The following WNT9A variants were observed in gnomAD, a reference collection of about 807,000 sequenced individuals.
WNT9A encodes Wnt family member 9A.
WNT9A carries 8 observed loss-of-function variants against 31.4 expected under a neutral mutation model. The ratio of observed to expected loss-of-function variants is 0.26; its 90% confidence interval spans 0.15 to 0.46. The LOEUF (loss-of-function observed/expected upper bound fraction) is 0.46, where lower values mean the gene tolerates loss of function less well. Among genes scored for constraint, WNT9A ranks in the 20% least tolerant of loss-of-function variants. The pLI, the probability that WNT9A is intolerant of heterozygous loss-of-function variation, is 0.99. For synonymous variants in WNT9A, 236 were observed against 220.1 expected, an observed-to-expected ratio of 1.07 and a Z score of -0.64; for missense variants, 457 against 522.9, an observed-to-expected ratio of 0.87 and a Z score of 1.23.
chr1:227,946,929 G>A (rs1666803608), intron 1 of WNT9A, among the ~76,000 whole-genome samples: 1 of 152,212 alleles, frequency 6.6e-6, no homozygotes, highest in Non-Finnish European at 1.5e-5. Context: ...TCCCAGCGGC[G>A]GCGCTCGGGG....
At position 227,918,921 on chromosome 1, in the gene WNT9A, G is replaced by A. The variant is rs1359172085; in HGVS notation, c.*2597C>T. 1 of 152,056 alleles carries A rather than the reference G, an allele frequency of 6.6e-6. No homozygotes were observed. Among genetic ancestry groups the A allele is most frequent in the Non-Finnish European group, 1.5e-5 (1 of 68,018 alleles). The allele number at this position is 152,056 out of a possible 1,614,324, so 9.4% of individuals were successfully genotyped here. A position where few individuals can be genotyped will look rare whatever the true frequency, so the allele number is the denominator to read the frequency against. ...CTGGGATCCCCTGGCCAAGGAGCGG[G>A]CTGAACCCCTCCCAACAGCCCTTTC... On this transcript the variant is annotated 3_prime_UTR_variant, in exon 4 of 4. Transcript: ENST00000272164.
At chr1:227,924,429 C>G in intron 2 of WNT9A, 29 bp from the exon 3 acceptor site, 1 of 1,593,192 alleles carries the variant, frequency 6.3e-7, no homozygotes, top group Non-Finnish European at 8.6e-7. Context: ...GATCAGTGAG[C>G]CCAGGCTGCC....
chr1:227,947,612 T>C (rs1269375089), intron 1 of WNT9A, among the ~76,000 whole-genome samples, 181 bp downstream of exon 1: 1 of 151,710 alleles, frequency 6.6e-6, no homozygotes, highest in African/African-American at 2.4e-5. Flanking sequence ...CCCGCCTCTC[T>C]AGCCGTGCCG....
intron 3 of WNT9A, among the ~76,000 whole-genome samples, chr1:227,923,386 G>A (rs1342477545): frequency 6.6e-6 from 1 of 152,124 alleles, no homozygotes; most frequent in East Asian, 1.9e-4. Context: ...GAGATGCTGG[G>A]GGCTCTGTGC....
At chr1:227,927,858 T>G (rs1666445230) in intron 1 of WNT9A, among the ~76,000 whole-genome samples, 1 of 141,856 alleles carries the variant, frequency 7.0e-6, no homozygotes, top group Admixed American at 7.0e-5. Context: ...AACCCAACTG[T>G]GGGTGTGGAC....
At position 227,942,108 on chromosome 1, in the gene WNT9A, C is replaced by G. The variant is rs1666718494; in HGVS notation, c.95+5685G>C. Among the ~76,000 whole-genome samples the G allele has an allele frequency of 6.6e-6, 1 of 152,148 alleles. No individual in the cohort carries two copies. Among genetic ancestry groups the G allele is most frequent in the Non-Finnish European group, 1.5e-5 (1 of 67,988 alleles). ...GCCACCCCAGCAGCCGGCGGAAGGTCCCAGGCCAGGGCAGGCACTGGGGCC... is the reference window on the plus strand; with the variant it reads ...GCCACCCCAGCAGCCGGCGGAAGGTGCCAGGCCAGGGCAGGCACTGGGGCC... On this transcript the variant is annotated intron_variant, in intron 1 of 3. Transcript: ENST00000272164. The surrounding 1 kb of genome is among the most constrained non-coding windows in gnomAD (Gnocchi z 5.7).
Position 227,925,626 on chromosome 1 carries a change from G to C in WNT9A, c.96-107C>G. On this transcript the variant is annotated intron_variant, in intron 1 of 3. Coordinates refer to ENST00000272164, the MANE Select transcript of WNT9A (RefSeq NM_003395.4). The surrounding 1 kb of genome is among the most constrained non-coding windows in gnomAD (Gnocchi z 6.0). ...AGGGGACAGGCGTGTCCATCCGGGGGTGAGGGGGCAGAAAGAATCCAGGAT... is the reference window on the plus strand; with the variant it reads ...AGGGGACAGGCGTGTCCATCCGGGGCTGAGGGGGCAGAAAGAATCCAGGAT... 2.1e-6 allele frequency: 3 copies of C among 1,410,900 alleles called. No homozygotes were observed. Among genetic ancestry groups the C allele is most frequent in the Non-Finnish European group, 2.8e-6 (3 of 1,082,320 alleles). 87.4% of individuals were successfully genotyped at this position (1,410,900 alleles called of 1,614,324 possible).
At chr1:227,937,200 A>G (rs971998108) in intron 1 of WNT9A, among the ~76,000 whole-genome samples, 1 of 152,200 alleles carries the variant, frequency 6.6e-6, no homozygotes, top group African/African-American at 2.4e-5. Flanking sequence ...CCTTGCAGCC[A>G]TCCCCAAGTG....
At chr1:227,945,440 CG>C (rs1666779448) in intron 1 of WNT9A, among the ~76,000 whole-genome samples, 1 of 152,162 alleles carries the variant, frequency 6.6e-6, no homozygotes, top group African/African-American at 2.4e-5. Context: ...AGGAGGGCAG[CG>C]GGCGCCAGCC....
chr1:227,939,199 G>C (rs530611299), intron 1 of WNT9A, among the ~76,000 whole-genome samples: 3 of 152,334 alleles, frequency 2.0e-5, no homozygotes, highest in Non-Finnish European at 4.4e-5. Flanking sequence ...CTGCAGATGG[G>C]GCCGCAGACA....
rs1023882655 is a variant in WNT9A, at chr1:227,921,992, C to G, written c.624G>C (p.Lys208Asn). ...ACTTGCAGGTGGTCTCCACCCCAGC[C>G]TTGATCACCTGGCAGAAGGGTGCGG... ...HNNLVGVKVIKAGVETTCKCH... is the reference protein window; with the variant it reads ...HNNLVGVKVINAGVETTCKCH... The change falls in exon 4 of 4, where the codon AAG (lysine) becomes AAC (asparagine). Residue 208 changes from lysine (K) to asparagine (N), a missense_variant. Coordinates refer to ENST00000272164, the MANE Select transcript of WNT9A (RefSeq NM_003395.4). 5.0e-6 allele frequency: 8 copies of G among 1,606,118 alleles called. No individual in the cohort carries two copies. The highest frequency in any genetic ancestry group is 6.8e-6 in the Non-Finnish European group (8 of 1,175,328).
rs568737439 is a variant in WNT9A at position 227,946,789 on chromosome 1, C to T, written c.95+1004G>A. ...CTGGACCAACGGGGCCCTCTGCCGG[C>T]CAGCCCGCCGCGCGCTGGCGCTCAG... On this transcript the variant is annotated intron_variant, in intron 1 of 3. Transcript: ENST00000272164. 2.4e-4 allele frequency among the ~76,000 whole-genome samples: 36 copies of T among 152,330 alleles called. No individual in the cohort carries two copies. The South Asian group carries it at 6.6e-3, about 28-fold the overall frequency.
intron 1 of WNT9A, among the ~76,000 whole-genome samples, chr1:227,936,507 G>A (rs1189467927): frequency 6.6e-6 from 1 of 152,220 alleles, no homozygotes; most frequent in East Asian, 1.9e-4. Flanking sequence ...GCTAATTTTT[G>A]TATTTTTAGT....
rs146233417 is a variant in WNT9A, at chr1:227,922,005, C to A, written c.616-5G>T. 419 of 1,599,616 alleles carry A rather than the reference C, an allele frequency of 2.6e-4. 1 individual carries two copies. The East Asian group carries it at 8.8e-3, about 34-fold the overall frequency. On this transcript the variant is annotated splice_region_variant and splice_polypyrimidine_tract_variant and intron_variant, in intron 3 of 3. Coordinates refer to ENST00000272164, the MANE Select transcript of WNT9A (RefSeq NM_003395.4). ...CTCCACCCCAGCCTTGATCACCTGG[C>A]AGAAGGGTGCGGGAGGGAGGGCAGT...
rs1666395850 is a variant in WNT9A, at chr1:227,925,214, G to A, written c.352+49C>T. 1.4e-6 allele frequency: 2 copies of A among 1,478,784 alleles called. No homozygotes were observed. Among genetic ancestry groups the A allele is most frequent in the Non-Finnish European group, 9.0e-7 (1 of 1,112,658 alleles). 91.6% of individuals were successfully genotyped at this position (1,478,784 alleles called of 1,614,324 possible). A position where few individuals can be genotyped will look rare whatever the true frequency, so the allele number is the denominator to read the frequency against. ...CTCTTGGGATATGGACAAGGCCTGG[G>A]CTGCCACCTGTCTGGGGCCTTCCTG... On this transcript the variant is annotated intron_variant, in intron 2 of 3. Coordinates refer to ENST00000272164, the MANE Select transcript of WNT9A (RefSeq NM_003395.4). The surrounding 1 kb of genome is among the most constrained non-coding windows in gnomAD (Gnocchi z 6.0).
At chr1:227,934,034 T>A (rs1666550987) in intron 1 of WNT9A, among the ~76,000 whole-genome samples, 1 of 152,228 alleles carries the variant, frequency 6.6e-6, no homozygotes, top group South Asian at 2.1e-4. Context: ...TCCCTCCTCT[T>A]AAGGGTGAAT....
chr1:227,922,869 G>T (rs1216155309), intron 3 of WNT9A, among the ~76,000 whole-genome samples: 1 of 151,978 alleles, frequency 6.6e-6, no homozygotes, highest in Admixed American at 6.5e-5. Flanking sequence ...GCTCAAGGAG[G>T]ATTAAGAAAT....
intron 1 of WNT9A, among the ~76,000 whole-genome samples, chr1:227,939,241 C>T (rs1353524273): frequency 1.3e-5 from 2 of 152,360 alleles, no homozygotes; most frequent in Non-Finnish European, 1.5e-5. Flanking sequence ...GGGGAGGTGG[C>T]TCCAGGGAGC....
intron 1 of WNT9A, among the ~76,000 whole-genome samples, chr1:227,932,468 A>G (rs988391576): frequency 1.3e-5 from 2 of 152,124 alleles, no homozygotes; most frequent in African/African-American, 4.8e-5. Context: ...GCTGGAATCA[A>G]CATTTTCCAA....
Sources: allele counts gnomAD v4.1 joint callset (sites outside exome capture counted in the v4.1 genomes callset), GRCh38; gene constraint gnomAD v4.1.1; non-coding constraint Gnocchi (gnomAD v3.1); transcripts MANE v1.5; gene names NCBI Gene and HGNC (gene_info 2026-07-23, HGNC 2026-07-21).